Variants in ULK4 observed in about 807,000 individuals in gnomAD.
The protein encoded by ULK4 is inactive serine/threonine-protein kinase ULK4.
ULK4 carries 133 observed loss-of-function variants against 160.6 expected under a neutral mutation model. That is an observed-to-expected ratio of 0.83 (90% CI 0.72 to 0.96). The LOEUF is 0.96. Among genes scored for constraint, ULK4 ranks in the 40% least tolerant of loss-of-function variants. ULK4 has a pLI of 0.00. For missense variants in ULK4, 1,580 were observed against 1,499.5 expected (o/e 1.05, Z -0.89); for synonymous variants, 534 against 539.8 (o/e 0.99, Z 0.15).
intron 32 of ULK4, among the ~76,000 whole-genome samples, chr3:41,464,646 G>A (rs143635358): frequency 3.7e-4 from 57 of 152,230 alleles, no homozygotes; most frequent in African/African-American, 1.3e-3. Context: ...TAGATAGAAG[G>A]GCTTGAAAAC....
intron 34 of ULK4, among the ~76,000 whole-genome samples, chr3:41,438,151 A>AC (rs2083078740): frequency 4.6e-5 from 7 of 151,884 alleles, no homozygotes; most frequent in African/African-American, 1.7e-4. Context: ...AGGACAGCAA[A>AC]GAAAGGCATT....
Position 41,249,516 on chromosome 3 carries a change from G to T in ULK4, c.3737C>A (p.Ala1246Asp), listed in dbSNP as rs1381155524. The T allele has an allele frequency of 6.2e-7, 1 of 1,614,080 alleles. No homozygotes were observed. The highest frequency in any genetic ancestry group is 1.1e-5 in the South Asian group (1 of 91,060). The change falls in exon 36 of 37, where the codon GCT becomes GAT. Residue 1246 changes from alanine (A) to aspartate (D), a missense_variant. Physicochemically the swap from Ala to Asp is moderately radical, Grantham distance 126 (BLOSUM62 -2). Transcript: ENST00000301831. Reference sequence around the variant, plus strand: ...ACTCCCAGGGGCCAGCCGCTCCAGAGCCCGCAGGAGGCTGCCTGCATTCTT... The same window carrying T: ...ACTCCCAGGGGCCAGCCGCTCCAGATCCCGCAGGAGGCTGCCTGCATTCTT... ...SLKNAGSLLR[A>D]LERLAPGSGS...
intron 35 of ULK4, among the ~76,000 whole-genome samples, chr3:41,256,059 AAAAT>A (rs1437328020): frequency 2.0e-5 from 3 of 152,222 alleles, no homozygotes; most frequent in South Asian, 2.1e-4. Flanking sequence ...CTGACGAAAG[AAAAT>A]AAATAAATGG....
intron 32 of ULK4, among the ~76,000 whole-genome samples, chr3:41,468,678 G>T (rs1005425689): frequency 6.6e-6 from 1 of 152,100 alleles, no homozygotes; most frequent in African/African-American, 2.4e-5. Flanking sequence ...GTCTTATTTT[G>T]ACTATACTAC....
chr3:41,707,619 G>A (rs2036945617), intron 25 of ULK4, among the ~76,000 whole-genome samples: 1 of 152,024 alleles, frequency 6.6e-6, no homozygotes, highest in Non-Finnish European at 1.5e-5. Context: ...ATAATCTGAG[G>A]CCAGGAGTTT....
In ULK4 at chr3:41,834,907, CGGA is replaced by C. The variant is rs201611320; in HGVS notation, c.1764+954_1764+956del. On this transcript the variant is annotated intron_variant, in intron 18 of 36. Coordinates refer to ENST00000301831, the MANE Select transcript of ULK4 (RefSeq NM_017886.4). Reference sequence around the variant, plus strand: ...AAATATACAAAAAATTAGCCAGGCACGGAGGTGCATACCTGTAGTTTTTATATA... The same window carrying C: ...AAATATACAAAAAATTAGCCAGGCACGGTGCATACCTGTAGTTTTTATATA... Among the ~76,000 whole-genome samples the C allele has an allele frequency of 7.9e-3, 1,194 of 152,096 alleles. 12 individuals carry two copies. The highest frequency in any genetic ancestry group is 0.028 in the African/African-American group (1,149 of 41,484).
intron 30 of ULK4, among the ~76,000 whole-genome samples, chr3:41,637,014 T>C (rs952377973): frequency 6.6e-6 from 1 of 152,206 alleles, no homozygotes; most frequent in African/African-American, 2.4e-5. Flanking sequence ...GAAATATGTA[T>C]ACATCATGGA....
chr3:41,891,487 A>G (rs1280492974), intron 16 of ULK4, among the ~76,000 whole-genome samples: 2 of 145,860 alleles, frequency 1.4e-5, no homozygotes, highest in African/African-American at 5.3e-5. Context: ...AGAAGAGGGA[A>G]AAAAAAAAAA....
intron 11 of ULK4, among the ~76,000 whole-genome samples, chr3:41,911,110 A>T (rs1037116878): frequency 9.2e-5 from 14 of 152,206 alleles, no homozygotes; most frequent in African/African-American, 3.4e-4. Context: ...TTGGTTAAAA[A>T]TTTTCAAAAA....
intron 30 of ULK4, among the ~76,000 whole-genome samples, chr3:41,625,208 A>G (rs542482616): frequency 6.6e-6 from 1 of 152,238 alleles, no homozygotes; most frequent in Non-Finnish European, 1.5e-5. Context: ...GGTATCGCAC[A>G]TAGTATTGTT....
chr3:41,744,581 G>C (rs1278658666), intron 22 of ULK4, among the ~76,000 whole-genome samples: 4 of 151,818 alleles, frequency 2.6e-5, no homozygotes, highest in Non-Finnish European at 5.9e-5. Flanking sequence ...ATTGTTAGAG[G>C]TGAAAAGAGA....
rs746795084 is a variant in ULK4 at position 41,615,767 on chromosome 3, T to C, written c.3072-50A>G. ...AAGTGCACATTAGACAATTCATATTTGCACTGATGGCCTGATATAAAGCAC... is the reference window on the plus strand; with the variant it reads ...AAGTGCACATTAGACAATTCATATTCGCACTGATGGCCTGATATAAAGCAC... On this transcript the variant is annotated intron_variant, in intron 30 of 36. Coordinates refer to ENST00000301831, the MANE Select transcript of ULK4 (RefSeq NM_017886.4). 4 of 1,549,086 alleles carry C rather than the reference T, an allele frequency of 2.6e-6. No individual in the cohort carries two copies. In the Admixed American group the frequency reaches 7.1e-5, roughly 27 times the overall value.
intron 18 of ULK4, among the ~76,000 whole-genome samples, chr3:41,820,302 C>T (rs979275374): frequency 1.3e-5 from 2 of 151,990 alleles, no homozygotes; most frequent in Non-Finnish European, 2.9e-5. Flanking sequence ...ACCAGCAATC[C>T]CATTACTGGT....
intron 20 of ULK4, among the ~76,000 whole-genome samples, chr3:41,791,482 G>A (rs1324705114): frequency 1.3e-5 from 2 of 152,190 alleles, no homozygotes; most frequent in Non-Finnish European, 2.9e-5. Context: ...AAAGGAAAAG[G>A]TAAATATAAC....
At chr3:41,573,526 T>G (rs2088078532) in intron 31 of ULK4, among the ~76,000 whole-genome samples, 1 of 152,230 alleles carries the variant, frequency 6.6e-6, no homozygotes, top group South Asian at 2.1e-4. Flanking sequence ...CACTCTCTTT[T>G]GCCTTTGGTT....
At chr3:41,364,471 A>AGC (rs1267411017) in intron 35 of ULK4, among the ~76,000 whole-genome samples, 6 of 152,222 alleles carry the variant, frequency 3.9e-5, no homozygotes, top group Non-Finnish European at 8.8e-5. Flanking sequence ...AAACTCTTGT[A>AGC]CTGTTTTGGC....
At chr3:41,279,267 AAAAAAAAAC>A (rs2079301649) in intron 35 of ULK4, among the ~76,000 whole-genome samples, 1 of 145,046 alleles carries the variant, frequency 6.9e-6, no homozygotes, top group African/African-American at 2.7e-5. Context: ...AAAAAAAAAA[AAAAAAAAAC>A]AAAACGACAA....
intron 31 of ULK4, among the ~76,000 whole-genome samples, chr3:41,578,047 C>T (rs1339285963): frequency 6.6e-6 from 1 of 152,160 alleles, no homozygotes; most frequent in African/African-American, 2.4e-5. Context: ...ATGGGAATAC[C>T]CCAACATAAT....
intron 32 of ULK4, among the ~76,000 whole-genome samples, chr3:41,515,665 A>G (rs2085726462): frequency 6.6e-6 from 1 of 152,290 alleles, no homozygotes; most frequent in African/African-American, 2.4e-5. Context: ...GAAACGCCAG[A>G]TGCTTATAAA....
Sources: allele counts gnomAD v4.1 joint callset (sites outside exome capture counted in the v4.1 genomes callset), GRCh38; gene constraint gnomAD v4.1.1; transcripts MANE v1.5; gene names NCBI Gene and HGNC (gene_info 2026-07-23, HGNC 2026-07-21).